Variants in PAG1 observed in about 807,000 individuals in gnomAD.
The protein encoded by PAG1 is phosphoprotein associated with glycosphingolipid-enriched microdomains 1.
A neutral mutation model predicts 31.7 loss-of-function variants in PAG1; 23 were observed. The observed-to-expected ratio is 0.73, with a 90% CI of 0.52 to 1.03. The LOEUF (loss-of-function observed/expected upper bound fraction) is 1.03, where lower values mean the gene tolerates loss of function less well. Among genes scored for constraint, PAG1 ranks in the 50% least tolerant of loss-of-function variants. PAG1 has a pLI of 0.00. For missense variants in PAG1, 473 were observed against 540.7 expected (o/e 0.87, Z 1.24); for synonymous variants, 214 against 210.3 (o/e 1.02, Z -0.15).
intron 2 of PAG1, among the ~76,000 whole-genome samples, chr8:81,051,850 G>T (rs1361956850): frequency 1.3e-5 from 2 of 152,168 alleles, no homozygotes; most frequent in Non-Finnish European, 2.9e-5. Flanking sequence ...TAAACTATTG[G>T]CCGGGCGCGG....
At chr8:81,091,938 T>G (rs142458845) in intron 1 of PAG1, among the ~76,000 whole-genome samples, 1 of 150,698 alleles carries the variant, frequency 6.6e-6, no homozygotes, top group East Asian at 2.0e-4. Flanking sequence ...AGTTCAACCC[T>G]GTAGTAAGCT....
intron 3 of PAG1, among the ~76,000 whole-genome samples, chr8:81,029,582 G>A (rs574040494): frequency 6.6e-6 from 1 of 152,188 alleles, no homozygotes; most frequent in South Asian, 2.1e-4. Context: ...TTTCCCTCTT[G>A]TGACATGAAT....
At position 81,079,778 on chromosome 8, in the gene PAG1, TA is replaced by T. The variant is rs201137743; in HGVS notation, c.-233-9609del. On this transcript the variant is annotated intron_variant, in intron 1 of 8. Transcript: ENST00000220597. ...AATCAATTTATTTCATTTATTTATTTATTTTTTTGAGACAGGGTCTCGCTCT... is the reference window on the plus strand; with the variant it reads ...AATCAATTTATTTCATTTATTTATTTTTTTTTTGAGACAGGGTCTCGCTCT... Among the ~76,000 whole-genome samples the T allele has an allele frequency of 7.8e-3, 1,188 of 152,124 alleles. 17 individuals carry two copies. Among genetic ancestry groups the T allele is most frequent in the African/African-American group, 0.027 (1,115 of 41,448 alleles).
chr8:81,099,256 C>G (rs1296049493), intron 1 of PAG1, among the ~76,000 whole-genome samples: 1 of 152,216 alleles, frequency 6.6e-6, no homozygotes. Context: ...GGCATGTTCT[C>G]CAGATTTAAT....
In PAG1 at chr8:81,105,260, G is replaced by C. The variant is rs1344844925; in HGVS notation, c.-234+6331C>G. 2.6e-5 allele frequency among the ~76,000 whole-genome samples: 4 copies of C among 152,200 alleles called. No homozygotes were observed. The East Asian group carries it at 7.7e-4, about 29-fold the overall frequency. On this transcript the variant is annotated intron_variant, in intron 1 of 8. Coordinates refer to ENST00000220597, the MANE Select transcript of PAG1 (RefSeq NM_018440.4). ...TGAATCTGAGATTCTTGAGGGCAGAGAGAGGGATTTTCTGGTATTTGAGGT... is the reference window on the plus strand; with the variant it reads ...TGAATCTGAGATTCTTGAGGGCAGACAGAGGGATTTTCTGGTATTTGAGGT...
chr8:81,003,155 A>G (rs1312080026), intron 3 of PAG1, among the ~76,000 whole-genome samples: 1 of 152,198 alleles, frequency 6.6e-6, no homozygotes, highest in Non-Finnish European at 1.5e-5. Flanking sequence ...CCTCTGTATT[A>G]ACAAGCCCTG....
chr8:81,029,501 TAGA>T (rs1292838547), intron 3 of PAG1, among the ~76,000 whole-genome samples: 12 of 152,198 alleles, frequency 7.9e-5, no homozygotes, highest in Non-Finnish European at 1.8e-4. Flanking sequence ...GGTATTTTCA[TAGA>T]AGAACATGGA....
intron 1 of PAG1, among the ~76,000 whole-genome samples, chr8:81,082,252 C>CAAAAAA (rs748117144): frequency 1.5e-3 from 71 of 47,502 alleles, no homozygotes; most frequent in African/African-American, 3.5e-3. Context: ...GACTCTGTCT[C>CAAAAAA]AAAAAAAAAA....
At chr8:81,046,904 C>T (rs1308545387) in intron 2 of PAG1, among the ~76,000 whole-genome samples, 1 of 152,072 alleles carries the variant, frequency 6.6e-6, no homozygotes, top group Admixed American at 6.6e-5. Flanking sequence ...TCCATGTGTT[C>T]TTATTATTCA....
At chr8:81,104,387 T>TTCATCC (rs1491161064) in intron 1 of PAG1, among the ~76,000 whole-genome samples, 16 of 8,648 alleles carry the variant, frequency 1.9e-3, no homozygotes, top group African/African-American at 4.3e-3. Flanking sequence ...GCCTTCGTCC[T>TTCATCC]TTTTTTTTTT....
intron 3 of PAG1, among the ~76,000 whole-genome samples, chr8:81,029,244 T>G (rs956843967): frequency 3.9e-5 from 6 of 152,250 alleles, no homozygotes; most frequent in Non-Finnish European, 7.4e-5. Flanking sequence ...TTCAGCTGCT[T>G]CTGTTAAGCC....
intron 1 of PAG1, among the ~76,000 whole-genome samples, chr8:81,077,655 G>C (rs1226819590): frequency 1.3e-5 from 2 of 152,136 alleles, no homozygotes; most frequent in African/African-American, 4.8e-5. Context: ...AATCTGAAAG[G>C]AATTTGTTGG....
intron 1 of PAG1, among the ~76,000 whole-genome samples, chr8:81,077,122 T>C (rs1016462557): frequency 6.6e-6 from 1 of 152,214 alleles, no homozygotes; most frequent in Non-Finnish European, 1.5e-5. Context: ...ACCAGCAGCA[T>C]TGGCACCCCC....
In PAG1 at chr8:81,034,193, G is replaced by A. The variant is rs1206419700; in HGVS notation, c.-174-4104C>T. On this transcript the variant is annotated intron_variant, in intron 2 of 8. Coordinates refer to ENST00000220597, the MANE Select transcript of PAG1 (RefSeq NM_018440.4). ...TCTACAATGTCTGTGACATCTCATCGATAACTGCCATGTCAAAAGGACTTG... is the reference window on the plus strand; with the variant it reads ...TCTACAATGTCTGTGACATCTCATCAATAACTGCCATGTCAAAAGGACTTG... Among the ~76,000 whole-genome samples the A allele has an allele frequency of 3.9e-5, 6 of 152,156 alleles. No individual in the cohort carries two copies. The South Asian group carries it at 8.3e-4, about 21-fold the overall frequency.
At chr8:81,045,609 T>C (rs1018720160) in intron 2 of PAG1, among the ~76,000 whole-genome samples, 11 of 152,164 alleles carry the variant, frequency 7.2e-5, no homozygotes, top group Non-Finnish European at 7.4e-5. Flanking sequence ...CTAAAATTGA[T>C]TGTGGTGATG....
At chr8:80,982,828 G>C (rs942015860) in intron 7 of PAG1, among the ~76,000 whole-genome samples, 1 of 152,120 alleles carries the variant, frequency 6.6e-6, no homozygotes, top group East Asian at 1.9e-4. Context: ...GGATCCATCC[G>C]CAAATCTCTT....
chr8:81,089,263 G>A (rs891478650), intron 1 of PAG1, among the ~76,000 whole-genome samples: 8 of 152,144 alleles, frequency 5.3e-5, no homozygotes, highest in Non-Finnish European at 8.8e-5. Flanking sequence ...CAGTGGGTTT[G>A]TATCATACTT....
chr8:80,993,883 G>A (rs1192847304), intron 3 of PAG1, among the ~76,000 whole-genome samples: 1 of 152,144 alleles, frequency 6.6e-6, no homozygotes, highest in Non-Finnish European at 1.5e-5. Context: ...TGGGATTACA[G>A]TGTGCCACTG....
At chr8:81,058,081 A>G (rs1173809069) in intron 2 of PAG1, among the ~76,000 whole-genome samples, 3 of 152,106 alleles carry the variant, frequency 2.0e-5, no homozygotes, top group African/African-American at 4.8e-5. Flanking sequence ...AGAGGAAGGG[A>G]GATTTGAGCT....
Sources: allele counts gnomAD v4.1 joint callset (sites outside exome capture counted in the v4.1 genomes callset), GRCh38; gene constraint gnomAD v4.1.1; transcripts MANE v1.5; gene names NCBI Gene and HGNC (gene_info 2026-07-23, HGNC 2026-07-21).